PRDM11: variants seen among roughly 807,000 people sequenced by gnomAD.
PRDM11 encodes PR domain-containing protein 11.
PRDM11 carries 20 observed loss-of-function variants against 97.8 expected under a neutral mutation model. The observed-to-expected ratio is 0.20, with a 90% CI of 0.14 to 0.30. The LOEUF is 0.30. PRDM11 is among the 10% of genes least tolerant of loss of function. PRDM11 has a pLI of 1.00. For synonymous variants in PRDM11, 599 were observed against 637.7 expected (o/e 0.94, Z 0.91); for missense variants, 1,139 against 1,555.2 (o/e 0.73, Z 4.50).
At chr11:45,156,713 G>A (rs1311070896) in intron 1 of PRDM11, among the ~76,000 whole-genome samples, 2 of 152,220 alleles carry the variant, frequency 1.3e-5, no homozygotes, top group Admixed American at 6.5e-5. Flanking sequence ...AAGGTAGGAT[G>A]CGCCTGGCTT....
At chr11:45,164,865 C>T (rs977627117) in intron 1 of PRDM11, among the ~76,000 whole-genome samples, 1 of 152,064 alleles carries the variant, frequency 6.6e-6, no homozygotes, top group African/African-American at 2.4e-5. Context: ...CCAGCAGATC[C>T]TAAAGGAAAA....
rs544956781 is a variant in PRDM11 at position 45,175,476 on chromosome 11, A to G, written c.-6-6285A>G. Among the ~76,000 whole-genome samples the G allele has an allele frequency of 2.5e-4, 38 of 152,358 alleles. No homozygotes were observed. In the South Asian group the frequency reaches 7.7e-3, roughly 31 times the overall value. The stretch of plus-strand genomic sequence containing the variant: ...TTGAACGTGTGTTTTCATGTCAATA[A>G]ATATTCCTCTACAGCATTGTTAATT... On this transcript the variant is annotated intron_variant, in intron 1 of 7. Transcript: ENST00000683152.
chr11:45,166,189 A>C (rs1177744017), intron 1 of PRDM11, among the ~76,000 whole-genome samples: 1 of 152,222 alleles, frequency 6.6e-6, no homozygotes, highest in Non-Finnish European at 1.5e-5. Flanking sequence ...CCAGGGGCTT[A>C]CACTGTCCTC....
At position 45,227,762 on chromosome 11, in the gene PRDM11, C is replaced by T; in HGVS notation, c.3137C>T (p.Ala1046Val). 3.3e-6 allele frequency: 5 copies of T among 1,533,850 alleles called. No homozygotes were observed. The highest frequency in any genetic ancestry group is 4.4e-6 in the Non-Finnish European group (5 of 1,146,692). The part of the protein sequence containing the change: ...SLLMEWRELK[A>V]DYYTKNGFKD... ...TTGATGGAGTGGCGAGAACTCAAGG[C>T]TGATTACTACACCAAAAATGGCTTC... The change falls in exon 8 of 8, where the codon GCT becomes GTT. Residue 1046 changes from alanine to valine, a missense_variant. Ala to Val is a moderately conservative substitution (Grantham distance 64). Transcript: ENST00000683152. The surrounding 1 kb of genome is among the most constrained non-coding windows in gnomAD (Gnocchi z 8.0).
intron 1 of PRDM11, among the ~76,000 whole-genome samples, chr11:45,113,727 G>C (rs1852234524): frequency 6.6e-6 from 1 of 151,138 alleles, no homozygotes; most frequent in African/African-American, 2.4e-5. Context: ...GTTGTAAAAG[G>C]GAGTGAGTTC....
intron 1 of PRDM11, among the ~76,000 whole-genome samples, chr11:45,160,875 C>T (rs919348804): frequency 5.3e-5 from 8 of 152,184 alleles, no homozygotes; most frequent in African/African-American, 1.7e-4. Flanking sequence ...TCTCCTGGCC[C>T]CTGCTAGCCC....
rs576626576 is a variant in PRDM11 at position 45,222,391 on chromosome 11, T to C, written c.743-1826T>C. Reference sequence around the variant, plus strand: ...CTTGATTTCCCGATGTCCTCAGTTGTTTGCTGCCTGATTGTCCCATGAGGA... The same window carrying C: ...CTTGATTTCCCGATGTCCTCAGTTGCTTGCTGCCTGATTGTCCCATGAGGA... On this transcript the variant is annotated intron_variant, in intron 6 of 7. Coordinates refer to ENST00000683152, the MANE Select transcript of PRDM11 (RefSeq NM_001384648.1). Among the ~76,000 whole-genome samples the C allele has an allele frequency of 2.0e-5, 3 of 152,366 alleles. No individual in the cohort carries two copies. In the South Asian group the frequency reaches 6.2e-4, roughly 32 times the overall value.
chr11:45,127,960 G>A (rs1852619483), intron 1 of PRDM11, among the ~76,000 whole-genome samples: 2 of 152,270 alleles, frequency 1.3e-5, no homozygotes, highest in African/African-American at 2.4e-5. Flanking sequence ...GGAGCCTACA[G>A]AGGCAGGCAG....
At chr11:45,110,877 A>G (rs556678889) in intron 1 of PRDM11, among the ~76,000 whole-genome samples, 2 of 152,280 alleles carry the variant, frequency 1.3e-5, no homozygotes, top group South Asian at 4.1e-4. Flanking sequence ...GGTGGCAGAA[A>G]ACTTGGAGAA....
chr11:45,201,256 C>T (rs1332934632), intron 4 of PRDM11, among the ~76,000 whole-genome samples: 3 of 152,094 alleles, frequency 2.0e-5, no homozygotes, highest in Non-Finnish European at 4.4e-5. Flanking sequence ...AAAAATATAT[C>T]ATTTATTGAA....
chr11:45,213,342 G>C (rs774767623), intron 5 of PRDM11: 1 of 454,874 alleles, frequency 2.2e-6, no homozygotes, highest in Non-Finnish European at 4.4e-6. Flanking sequence ...GCCTTGCAGG[G>C]AGGGGGGCGC....
upstream of PRDM11, among the ~76,000 whole-genome samples, chr11:45,144,306 C>T (rs1851462353): frequency 6.6e-6 from 1 of 152,160 alleles, no homozygotes; most frequent in Admixed American, 6.5e-5. Flanking sequence ...TGGATCACAC[C>T]GCATCTCTTT....
At chr11:45,122,190 G>GAC (rs1186105010) in intron 1 of PRDM11, among the ~76,000 whole-genome samples, 2 of 126,944 alleles carry the variant, frequency 1.6e-5, no homozygotes, top group African/African-American at 5.5e-5. Context: ...GACACAGACA[G>GAC]ACACACACAC....
intron 4 of PRDM11, among the ~76,000 whole-genome samples, chr11:45,188,130 C>A (rs996273415): frequency 1.3e-5 from 2 of 152,170 alleles, no homozygotes; most frequent in African/African-American, 2.4e-5. Context: ...CACACTCCCT[C>A]CCTCAGTATA....
intron 4 of PRDM11, among the ~76,000 whole-genome samples, chr11:45,190,413 G>C (rs144074363): frequency 0.014 from 2,111 of 151,400 alleles, 42 homozygotes; most frequent in African/African-American, 0.049. Flanking sequence ...TTCCCAAAGT[G>C]CTGGGATTAC....
intron 1 of PRDM11, among the ~76,000 whole-genome samples, chr11:45,096,568 T>G (rs1388032070): frequency 6.6e-6 from 1 of 152,176 alleles, no homozygotes; most frequent in Non-Finnish European, 1.5e-5. Context: ...TTCATTATTC[T>G]GGCCAGGCTC....
chr11:45,194,478 G>A (rs1258564745), intron 4 of PRDM11, among the ~76,000 whole-genome samples: 4 of 151,842 alleles, frequency 2.6e-5, no homozygotes, highest in Non-Finnish European at 5.9e-5. Context: ...GCTAGTTAGG[G>A]TTGATGAACA....
upstream of PRDM11, among the ~76,000 whole-genome samples, chr11:45,142,653 A>C (rs1851429913): frequency 6.6e-6 from 1 of 152,124 alleles, no homozygotes. Flanking sequence ...GTAGAGCAAA[A>C]AATGGCGATG....
intron 1 of PRDM11, among the ~76,000 whole-genome samples, chr11:45,152,303 G>T (rs969015294): frequency 3.9e-5 from 6 of 152,138 alleles, no homozygotes; most frequent in African/African-American, 1.4e-4. Flanking sequence ...CCGACCTCAA[G>T]TGATCCACCT....
Sources: allele counts gnomAD v4.1 joint callset (sites outside exome capture counted in the v4.1 genomes callset), GRCh38; gene constraint gnomAD v4.1.1; non-coding constraint Gnocchi (gnomAD v3.1); transcripts MANE v1.5; gene names NCBI Gene and HGNC (gene_info 2026-07-23, HGNC 2026-07-21).